The following SLC14A1 variants were observed in gnomAD, a reference collection of about 807,000 sequenced individuals.
SLC14A1 encodes urea transporter 1.
Under a neutral mutation model 39.6 loss-of-function variants are expected in SLC14A1, and 36 were observed. That is an observed-to-expected ratio of 0.91 (90% CI 0.70 to 1.20). The LOEUF (loss-of-function observed/expected upper bound fraction) is 1.20, where lower values mean the gene tolerates loss of function less well. SLC14A1 is among the 50% of genes most tolerant of loss of function. SLC14A1 has a pLI of 0.00. For missense variants in SLC14A1, 469 were observed against 478.7 expected, an observed-to-expected ratio of 0.98 and a Z score of 0.19; for synonymous variants, 164 against 173.6, an observed-to-expected ratio of 0.94 and a Z score of 0.43.
intron 6 of SLC14A1, chr18:45,737,443 G>A (rs1463350455): frequency 1.3e-5 from 2 of 152,188 alleles, no homozygotes; most frequent in Non-Finnish European, 2.9e-5. Flanking sequence ...CCTGAAATTA[G>A]AAGAAAACCA....
chr18:45,746,657 A>G (rs1450202245), intron 8 of SLC14A1, among the ~76,000 whole-genome samples: 3 of 152,370 alleles, frequency 2.0e-5, no homozygotes, highest in Non-Finnish European at 2.9e-5. Flanking sequence ...AAATTTCAAC[A>G]ATGAATGAAA....
At chr18:45,729,130 T>C (rs1417930178) in intron 2 of SLC14A1, 2 of 152,214 alleles carry the variant, frequency 1.3e-5, no homozygotes, top group Non-Finnish European at 2.9e-5. Context: ...CTGGTTTCTC[T>C]ATGTGGGCTT....
chr18:45,737,252 T>C (rs28898874), intron 6 of SLC14A1, among the ~76,000 whole-genome samples: 2,979 of 152,332 alleles, frequency 0.02, 104 homozygotes, highest in African/African-American at 0.066. Context: ...CAAATTGTGA[T>C]GCGGGCCAGA....
chr18:45,729,279 G>T (rs1310049895), intron 2 of SLC14A1: 2 of 152,162 alleles, frequency 1.3e-5, no homozygotes, highest in Non-Finnish European at 2.9e-5. Flanking sequence ...GCACACTCAA[G>T]GTGGTTTTGC....
At position 45,731,356 on chromosome 18, in the gene SLC14A1, G is replaced by A; in HGVS notation, c.341+152G>A. On this transcript the variant is annotated intron_variant, in intron 4 of 9. Transcript: ENST00000321925. ...TATATTTGTTTTTAGTCAGAGGTCA[G>A]GGAATCAGTTACAGTCTCTTGCTCT... 3 of 761,156 alleles carry A rather than the reference G, an allele frequency of 3.9e-6. No homozygotes were observed. The South Asian group carries it at 4.4e-5, about 11-fold the overall frequency. 47.2% of individuals were successfully genotyped at this position (761,156 alleles called of 1,614,324 possible).
chr18:45,740,669 T>C (rs1659574849), intron 8 of SLC14A1, among the ~76,000 whole-genome samples: 1 of 151,972 alleles, frequency 6.6e-6, no homozygotes, highest in African/African-American at 2.4e-5. Context: ...CCAAGTAAAG[T>C]AGCTAGGACC....
In SLC14A1 at chr18:45,750,071, T is replaced by A; in HGVS notation, c.*120T>A. ...GTATCAACTTTCATACTGACGCGTC[T>A]GTAATCTGTTCTTATGCTCATTTTG... On this transcript the variant is annotated 3_prime_UTR_variant, in exon 10 of 10. Coordinates refer to ENST00000321925, the MANE Select transcript of SLC14A1 (RefSeq NM_015865.7). 1 of 1,597,658 alleles carries A rather than the reference T, an allele frequency of 6.3e-7. No individual in the cohort carries two copies. The highest frequency in any genetic ancestry group is 8.5e-7 in the Non-Finnish European group (1 of 1,176,596).
intron 4 of SLC14A1, among the ~76,000 whole-genome samples, chr18:45,733,599 A>G (rs2047095003): frequency 6.6e-6 from 1 of 152,240 alleles, no homozygotes; most frequent in African/African-American, 2.4e-5. Context: ...TTGATTTAAA[A>G]GAATAACTTT....
chr18:45,751,594 A>G lies in SLC14A1; in HGVS notation c.*1643A>G. The G allele has an allele frequency of 1.3e-6, 1 of 763,176 alleles. No individual in the cohort carries two copies. Among genetic ancestry groups the G allele is most frequent in the South Asian group, 6.0e-5 (1 of 16,728 alleles). The allele number at this position is 763,176 out of a possible 1,614,324, so 47.3% of individuals were successfully genotyped here. A position where few individuals can be genotyped will look rare whatever the true frequency, so the allele number is the denominator to read the frequency against. The stretch of plus-strand genomic sequence containing the variant: ...GGAGTTCAAGACCAGCTTGGGCAAC[A>G]TAGCAAGACTCCATCTCTTAAAAAA... On this transcript the variant is annotated 3_prime_UTR_variant, in exon 10 of 10. Transcript: ENST00000321925.
At position 45,725,326 on chromosome 18, in the gene SLC14A1, T is replaced by G. The variant is rs193274670; in HGVS notation, c.-22+313T>G. ...TGATCTGGGGTATGAAAAGTGCTTT[T>G]TGACTTCTGCTGGAAAGCTCTTCAG... On this transcript the variant is annotated intron_variant, in intron 2 of 9. Coordinates refer to ENST00000321925, the MANE Select transcript of SLC14A1 (RefSeq NM_015865.7). Among the ~76,000 whole-genome samples, 23 of 152,358 alleles carry G rather than the reference T, an allele frequency of 1.5e-4. No individual in the cohort carries two copies. In the East Asian group the frequency reaches 4.4e-3, roughly 29 times the overall value.
intron 4 of SLC14A1, chr18:45,734,004 T>C (rs566849613): frequency 1.7e-5 from 7 of 414,636 alleles, no homozygotes; most frequent in African/African-American, 1.0e-4. Flanking sequence ...TCCCCATCCA[T>C]GGAAAATTGT....
chr18:45,737,368 AGCTCTTCCT>A (rs1407330724), intron 6 of SLC14A1: 2 of 152,448 alleles, frequency 1.3e-5, no homozygotes. Flanking sequence ...ATCAAATTCC[AGCTCTTCCT>A]GTTGGTGTGT....
chr18:45,751,866 T>C lies in SLC14A1; in HGVS notation c.*1915T>C. On this transcript the variant is annotated 3_prime_UTR_variant, in exon 10 of 10. Coordinates refer to ENST00000321925, the MANE Select transcript of SLC14A1 (RefSeq NM_015865.7). ...TTCCACTTCAGTGTGTATCGTGTAGTATTTTGGAGGTTGGAAAGTGAAACG... is the reference window on the plus strand; with the variant it reads ...TTCCACTTCAGTGTGTATCGTGTAGCATTTTGGAGGTTGGAAAGTGAAACG... 1 of 985,052 alleles carries C rather than the reference T, an allele frequency of 1.0e-6. No individual in the cohort carries two copies. The highest frequency in any genetic ancestry group is 1.2e-6 in the Non-Finnish European group (1 of 829,688). The allele number at this position is 985,052 out of a possible 1,614,324, so 61.0% of individuals were successfully genotyped here.
At chr18:45,727,253 G>C in intron 2 of SLC14A1, 1 of 1,551,370 alleles carries the variant, frequency 6.4e-7, no homozygotes, top group Non-Finnish European at 8.7e-7. Flanking sequence ...CCTTTGTCAT[G>C]TATTGAGAAA....
intron 4 of SLC14A1, 105 bp from the exon 5 acceptor site, chr18:45,734,169 C>T: frequency 7.1e-7 from 1 of 1,413,444 alleles, no homozygotes; most frequent in African/African-American, 1.4e-5. Context: ...AATATAATCT[C>T]ATTTTTTAAT....
At chr18:45,740,551 A>G (rs1167713721) in intron 8 of SLC14A1, among the ~76,000 whole-genome samples, 1 of 151,620 alleles carries the variant, frequency 6.6e-6, no homozygotes, top group African/African-American at 2.4e-5. Context: ...AAAGAAAAAA[A>G]AAGAAAAAGG....
At chr18:45,734,018 C>A in intron 4 of SLC14A1, 1 of 432,998 alleles carries the variant, frequency 2.3e-6, no homozygotes, top group South Asian at 2.1e-5. Flanking sequence ...AAATTGTCTT[C>A]CATGAAACCT....
chr18:45,746,273 C>T (rs895701487), intron 8 of SLC14A1, among the ~76,000 whole-genome samples: 2 of 152,184 alleles, frequency 1.3e-5, no homozygotes, highest in Non-Finnish European at 2.9e-5. Flanking sequence ...CCCTCAGCTA[C>T]CAAGAATGCT....
chr18:45,752,213 G>A lies in SLC14A1; in HGVS notation c.*2262G>A. The A allele has an allele frequency of 3.0e-6, 3 of 985,366 alleles. No individual in the cohort carries two copies. Among genetic ancestry groups the A allele is most frequent in the Non-Finnish European group, 3.6e-6 (3 of 829,918 alleles). The allele number at this position is 985,366 out of a possible 1,614,324, so 61.0% of individuals were successfully genotyped here. A position where few individuals can be genotyped will look rare whatever the true frequency, so the allele number is the denominator to read the frequency against. On this transcript the variant is annotated 3_prime_UTR_variant, in exon 10 of 10. Transcript: ENST00000321925. ...AAAGAAGAATTGTGGGGAAAAAAAA[G>A]CAAGCATAACCAAAGATCATCAGCA...
Sources: gnomAD v4.1 joint callset for allele counts (sites outside exome capture counted in the v4.1 genomes callset) on GRCh38, gnomAD v4.1.1 for gene constraint, MANE v1.5 for transcripts, NCBI Gene and HGNC (gene_info 2026-07-23, HGNC 2026-07-21) for gene names.